PLXNA4: variants seen among roughly 807,000 people sequenced by gnomAD.
PLXNA4 encodes the protein plexin-A4.
Under a neutral mutation model 191.8 loss-of-function variants are expected in PLXNA4, and 44 were observed. The observed-to-expected ratio is 0.23, with a 90% CI of 0.18 to 0.29. The LOEUF is 0.29. Among genes scored for constraint, PLXNA4 ranks in the 10% least tolerant of loss-of-function variants. The pLI is 1.00. For missense variants in PLXNA4, 1,800 were observed against 2,488.8 expected (o/e 0.72, Z 5.89); for synonymous variants, 1,082 against 1,009.5 (o/e 1.07, Z -1.36).
chr7:132,142,931 C>G (rs1795312174), intron 29 of PLXNA4, among the ~76,000 whole-genome samples: 2 of 152,216 alleles, frequency 1.3e-5, no homozygotes, highest in Non-Finnish European at 2.9e-5. Flanking sequence ...GCCAGTTTTG[C>G]TGACAGGCAC....
At chr7:132,158,365 T>A (rs1390398624) in intron 25 of PLXNA4, among the ~76,000 whole-genome samples, 1 of 152,158 alleles carries the variant, frequency 6.6e-6, no homozygotes, top group Non-Finnish European at 1.5e-5. Flanking sequence ...AGAGGCCAGA[T>A]GGATGGATTA....
intron 4 of PLXNA4, among the ~76,000 whole-genome samples, chr7:132,290,173 AACAAAGGAC>A (rs1165126649): frequency 6.6e-6 from 1 of 152,214 alleles, no homozygotes; most frequent in East Asian, 1.9e-4. Flanking sequence ...GAGTCAGTAA[AACAAAGGAC>A]ACCATAAAAG....
At chr7:132,197,429 G>C (rs1194108207) in intron 13 of PLXNA4, among the ~76,000 whole-genome samples, 1 of 152,068 alleles carries the variant, frequency 6.6e-6, no homozygotes, top group African/African-American at 2.4e-5. Flanking sequence ...TTAATCATGT[G>C]GCTTTATAAT....
At position 132,125,155 on chromosome 7, in the gene PLXNA4, A is replaced by C. The variant is rs1794734809; in HGVS notation, c.*5324T>G. On this transcript the variant is annotated 3_prime_UTR_variant, in exon 32 of 32. Transcript: ENST00000321063. ...AGAGCATGCCACCCTTAGCACCATGAGGAGAGGTTTGCAGAGTGTCCCAGC... is the reference window on the plus strand; with the variant it reads ...AGAGCATGCCACCCTTAGCACCATGCGGAGAGGTTTGCAGAGTGTCCCAGC... 6.6e-6 allele frequency: 1 copy of C among 152,136 alleles called. No individual in the cohort carries two copies. The highest frequency in any genetic ancestry group is 2.1e-4 in the South Asian group (1 of 4,822). The allele number at this position is 152,136 out of a possible 1,614,324, so 9.4% of individuals were successfully genotyped here. A position where few individuals can be genotyped will look rare whatever the true frequency, so the allele number is the denominator to read the frequency against.
intron 25 of PLXNA4, among the ~76,000 whole-genome samples, chr7:132,151,351 GAA>G (rs1795608867): frequency 1.6e-5 from 1 of 61,332 alleles, no homozygotes; most frequent in Admixed American, 1.9e-4. Flanking sequence ...GGAGGAGGAA[GAA>G]GAAGGAGGAG....
intron 1 of PLXNA4, among the ~76,000 whole-genome samples, chr7:132,562,938 C>CT: frequency 9.3e-6 from 1 of 107,914 alleles, no homozygotes; most frequent in Non-Finnish European, 1.9e-5. Flanking sequence ...CTCCCTCCTC[C>CT]TCTCCCTCCT....
chr7:132,347,714 G>A (rs1162167931), intron 3 of PLXNA4, among the ~76,000 whole-genome samples: 1 of 152,124 alleles, frequency 6.6e-6, no homozygotes, highest in Non-Finnish European at 1.5e-5. Context: ...TCTGGGGAGG[G>A]AAGGCAGGTG....
At chr7:132,177,093 G>T (rs1236419860) in intron 20 of PLXNA4, among the ~76,000 whole-genome samples, 3 of 152,054 alleles carry the variant, frequency 2.0e-5, no homozygotes, top group Non-Finnish European at 4.4e-5. Flanking sequence ...ATGAGTGTAT[G>T]TCAGTGAGTG....
chr7:132,578,619 A>G (rs1440141049), upstream of PLXNA4, among the ~76,000 whole-genome samples: 5 of 152,192 alleles, frequency 3.3e-5, no homozygotes, highest in South Asian at 2.1e-4. Context: ...TGAGCGGCAC[A>G]TATAGGTCAG....
At chr7:132,154,349 G>A (rs1020350432) in intron 25 of PLXNA4, among the ~76,000 whole-genome samples, 1 of 151,940 alleles carries the variant, frequency 6.6e-6, no homozygotes. Flanking sequence ...AGATCAGAGT[G>A]TATCTGCTAA....
chr7:132,182,256 T>C, intron 16 of PLXNA4, 66 bp from the exon 17 acceptor site: 1 of 1,591,596 alleles, frequency 6.3e-7, no homozygotes, highest in Non-Finnish European at 8.6e-7. Context: ...CACTCTACAA[T>C]GATGACTGAG....
At chr7:132,275,193 C>A (rs1800225354) in intron 4 of PLXNA4, among the ~76,000 whole-genome samples, 1 of 151,996 alleles carries the variant, frequency 6.6e-6, no homozygotes, top group Non-Finnish European at 1.5e-5. Flanking sequence ...ATTTAAAAAT[C>A]TTGATTTTGT....
At chr7:132,543,912 G>T (rs1447836297) in intron 1 of PLXNA4, among the ~76,000 whole-genome samples, 3 of 152,224 alleles carry the variant, frequency 2.0e-5, no homozygotes, top group African/African-American at 7.2e-5. Context: ...CTAGGGCTAT[G>T]GTGGTGGCAA....
At chr7:132,306,549 T>C (rs143144347) in intron 3 of PLXNA4, among the ~76,000 whole-genome samples, 1 of 152,322 alleles carries the variant, frequency 6.6e-6, no homozygotes, top group Non-Finnish European at 1.5e-5. Flanking sequence ...CCTACTCAGT[T>C]GGACCCACAG....
At chr7:132,183,194 T>A (rs1352738595) in intron 16 of PLXNA4, among the ~76,000 whole-genome samples, 1 of 152,200 alleles carries the variant, frequency 6.6e-6, no homozygotes, top group East Asian at 1.9e-4. Context: ...CCCTCTCTCC[T>A]TGCTCACATG....
At chr7:132,395,558 C>G (rs1309943807) in intron 3 of PLXNA4, among the ~76,000 whole-genome samples, 5 of 152,238 alleles carry the variant, frequency 3.3e-5, no homozygotes, top group Admixed American at 6.5e-5. Context: ...CATCTCATGT[C>G]TGGCCATGTG....
chr7:132,252,299 GTTTTTTTTTTTT>G (rs71178032), intron 4 of PLXNA4, among the ~76,000 whole-genome samples: 6 of 75,308 alleles, frequency 8.0e-5, no homozygotes, highest in African/African-American at 1.5e-4. Flanking sequence ...CATTCTAAAA[GTTTTTTTTTTTT>G]TTTTTTTTTT....
intron 3 of PLXNA4, among the ~76,000 whole-genome samples, chr7:132,381,648 CT>C (rs1177883689): frequency 6.6e-6 from 1 of 152,246 alleles, no homozygotes; most frequent in Non-Finnish European, 1.5e-5. Flanking sequence ...ATTTACACCC[CT>C]AGCCCGTGTT....
intron 4 of PLXNA4, among the ~76,000 whole-genome samples, chr7:132,272,564 A>G (rs895867391): frequency 9.9e-5 from 15 of 152,192 alleles, no homozygotes; most frequent in Non-Finnish European, 1.5e-4. Flanking sequence ...GCCTAAATCA[A>G]GTCAGTTGGT....
Sources: allele counts gnomAD v4.1 joint callset (sites outside exome capture counted in the v4.1 genomes callset), GRCh38; gene constraint gnomAD v4.1.1; transcripts MANE v1.5; gene names NCBI Gene and HGNC (gene_info 2026-07-23, HGNC 2026-07-21).